RALY: variants seen among roughly 807,000 people sequenced by gnomAD.
RALY encodes the protein RALY heterogeneous nuclear ribonucleoprotein.
In RALY, 15 loss-of-function variants were observed where a neutral mutation model predicts 30.7. The observed-to-expected ratio is 0.49, with a 90% CI of 0.33 to 0.75. The LOEUF (loss-of-function observed/expected upper bound fraction) is 0.75. Ranked by LOEUF, RALY falls within the 30% of genes least tolerant of loss-of-function variation. RALY has a pLI of 0.02. For synonymous variants in RALY, 177 were observed against 170.8 expected, an observed-to-expected ratio of 1.04 and a Z score of -0.28; for missense variants, 339 against 414.3, an observed-to-expected ratio of 0.82 and a Z score of 1.58.
chr20:34,066,020 G>A (rs936241498), intron 2 of RALY, among the ~76,000 whole-genome samples: 5 of 152,126 alleles, frequency 3.3e-5, no homozygotes, highest in African/African-American at 1.2e-4. Context: ...CACATGAGGG[G>A]TGACATGGCA....
intron 2 of RALY, among the ~76,000 whole-genome samples, chr20:34,037,805 G>A (rs577179317): frequency 7.2e-5 from 11 of 152,296 alleles, no homozygotes; most frequent in African/African-American, 2.6e-4. Flanking sequence ...TTGTCCTTCA[G>A]GGTATGGGGA....
At chr20:34,024,825 A>G (rs183359049) in intron 1 of RALY, among the ~76,000 whole-genome samples, 73 of 152,308 alleles carry the variant, frequency 4.8e-4, no homozygotes, top group African/African-American at 1.6e-3. Flanking sequence ...GGCATAGGCA[A>G]CCATACAGTA....
At chr20:34,072,499 G>A (rs891821439) in intron 3 of RALY, among the ~76,000 whole-genome samples, 169 bp downstream of exon 3, 2 of 152,132 alleles carry the variant, frequency 1.3e-5, no homozygotes, top group Admixed American at 6.5e-5. Flanking sequence ...ATCCCTATAG[G>A]GAAGAATTTT....
intron 1 of RALY, among the ~76,000 whole-genome samples, chr20:34,020,510 G>T (rs1382409613): frequency 6.6e-6 from 1 of 152,182 alleles, no homozygotes; most frequent in Non-Finnish European, 1.5e-5. Flanking sequence ...TAGGCAAAGG[G>T]GATCCACTGA....
At chr20:34,027,504 A>G (rs2032089169) in intron 1 of RALY, among the ~76,000 whole-genome samples, 1 of 152,254 alleles carries the variant, frequency 6.6e-6, no homozygotes, top group African/African-American at 2.4e-5. Context: ...AGACAAACCC[A>G]GGTCAGACTG....
intron 1 of RALY, among the ~76,000 whole-genome samples, chr20:34,005,248 T>C (rs1375109608): frequency 1.3e-5 from 2 of 152,158 alleles, no homozygotes; most frequent in Non-Finnish European, 2.9e-5. Flanking sequence ...CAGTGGCTCA[T>C]GGCCTGTAAT....
chr20:34,048,932 G>T (rs2032983761), intron 2 of RALY, among the ~76,000 whole-genome samples: 1 of 151,538 alleles, frequency 6.6e-6, no homozygotes, highest in African/African-American at 2.4e-5. Flanking sequence ...GCCTTCAACA[G>T]ATACTTTTAA....
intron 1 of RALY, among the ~76,000 whole-genome samples, chr20:33,998,028 C>G (rs933664672): frequency 6.6e-5 from 10 of 152,184 alleles, no homozygotes; most frequent in South Asian, 2.1e-4. Context: ...TCATTTAGAC[C>G]AGCCACCTGG....
In RALY at chr20:34,075,322, C is replaced by T. The variant is rs572078072; in HGVS notation, c.378-552C>T. 5.9e-5 allele frequency among the ~76,000 whole-genome samples: 9 copies of T among 152,206 alleles called. No individual in the cohort carries two copies. In the South Asian group the frequency reaches 8.3e-4, roughly 14 times the overall value. ...GTACCCTGACCTTTCATCTATTACACGTTCTAAAGTGTGTTTTTAACCGAA... is the reference window on the plus strand; with the variant it reads ...GTACCCTGACCTTTCATCTATTACATGTTCTAAAGTGTGTTTTTAACCGAA... On this transcript the variant is annotated intron_variant, in intron 5 of 9. Coordinates refer to ENST00000246194, the MANE Select transcript of RALY (RefSeq NM_016732.3).
chr20:34,039,200 T>A (rs1444264510), intron 2 of RALY, among the ~76,000 whole-genome samples: 1 of 152,194 alleles, frequency 6.6e-6, no homozygotes, highest in African/African-American at 2.4e-5. Flanking sequence ...AAAGCCGCTA[T>A]CTATAGTAAG....
chr20:34,026,740 C>T (rs1447748443), intron 1 of RALY, among the ~76,000 whole-genome samples: 1 of 152,060 alleles, frequency 6.6e-6, no homozygotes, highest in Non-Finnish European at 1.5e-5. Flanking sequence ...CTTTCCCATC[C>T]TCTTTTCTCT....
chr20:34,027,642 C>A (rs939576230), intron 1 of RALY, among the ~76,000 whole-genome samples: 1 of 152,238 alleles, frequency 6.6e-6, no homozygotes, highest in Non-Finnish European at 1.5e-5. Flanking sequence ...AAGGACTGTT[C>A]TCAATCATCT....
intron 2 of RALY, among the ~76,000 whole-genome samples, chr20:34,046,173 T>C (rs1178932598): frequency 6.6e-6 from 1 of 152,196 alleles, no homozygotes; most frequent in East Asian, 1.9e-4. Flanking sequence ...TTTCCACACC[T>C]GAACTGGCAG....
chr20:34,032,670 C>T (rs889542560), intron 2 of RALY, among the ~76,000 whole-genome samples: 1 of 152,040 alleles, frequency 6.6e-6, no homozygotes, highest in Non-Finnish European at 1.5e-5. Flanking sequence ...TCTGAAACCT[C>T]ATTTTATAGA....
At chr20:34,025,199 C>T (rs2031972733) in intron 1 of RALY, among the ~76,000 whole-genome samples, 1 of 152,186 alleles carries the variant, frequency 6.6e-6, no homozygotes, top group Admixed American at 6.5e-5. Context: ...CCCGTGGCTG[C>T]TCACTGGTGC....
At chr20:34,002,505 G>A (rs932931398) in intron 1 of RALY, among the ~76,000 whole-genome samples, 1 of 152,202 alleles carries the variant, frequency 6.6e-6, no homozygotes, top group African/African-American at 2.4e-5. Flanking sequence ...CCAGCCTGCC[G>A]CCCTGGCTCA....
intron 2 of RALY, among the ~76,000 whole-genome samples, chr20:34,042,185 A>T (rs1208416038): frequency 6.6e-6 from 1 of 152,146 alleles, no homozygotes; most frequent in Non-Finnish European, 1.5e-5. Context: ...CAAGAGGCCT[A>T]GTAGCTCAGC....
At chr20:34,001,028 A>G (rs2030890301) in intron 1 of RALY, among the ~76,000 whole-genome samples, 1 of 152,218 alleles carries the variant, frequency 6.6e-6, no homozygotes, top group Non-Finnish European at 1.5e-5. Flanking sequence ...AGTATCTCAG[A>G]GGGTTAAATT....
chr20:34,044,508 C>T (rs2032811481), intron 2 of RALY, among the ~76,000 whole-genome samples: 1 of 151,680 alleles, frequency 6.6e-6, no homozygotes, highest in South Asian at 2.1e-4. Context: ...TTGGTAGAGG[C>T]GGAGTTTCTC....
Sources: allele counts gnomAD v4.1 joint callset (sites outside exome capture counted in the v4.1 genomes callset), GRCh38; gene constraint gnomAD v4.1.1; transcripts MANE v1.5; gene names NCBI Gene and HGNC (gene_info 2026-07-23, HGNC 2026-07-21).